Variants in ANKAR observed in about 807,000 individuals in gnomAD.
The protein encoded by ANKAR is ankyrin and armadillo repeat-containing protein.
ANKAR carries 136 observed loss-of-function variants against 146.2 expected under a neutral mutation model. That is an observed-to-expected ratio of 0.93 (90% CI 0.81 to 1.07). ANKAR has a LOEUF of 1.07. ANKAR is among the 50% of genes least tolerant of loss of function. ANKAR has a pLI of 0.00. For synonymous variants in ANKAR, 500 were observed against 575.8 expected (o/e 0.87, Z 1.88); for missense variants, 1,567 against 1,679.9 (o/e 0.93, Z 1.18).
chr2:189,713,361 C>T (rs898185535), intron 10 of ANKAR, among the ~76,000 whole-genome samples: 100 of 152,214 alleles, frequency 6.6e-4, no homozygotes, highest in African/African-American at 2.4e-3. Flanking sequence ...TTAAGGGCAG[C>T]CAGAGAGAAA....
intron 2 of ANKAR, among the ~76,000 whole-genome samples, chr2:189,688,387 T>G (rs1211505064): frequency 6.6e-6 from 1 of 152,234 alleles, no homozygotes; most frequent in Non-Finnish European, 1.5e-5. Context: ...TGAAGTCAGG[T>G]AATGTAATTC....
chr2:189,752,880 G>C (rs1189085110), intron 18 of ANKAR: 1 of 1,613,896 alleles, frequency 6.2e-7, no homozygotes, highest in Admixed American at 1.7e-5. Context: ...TCAGTGCATA[G>C]TCTGGGAGGA....
At chr2:189,707,382 A>G (rs139509073) in intron 9 of ANKAR, among the ~76,000 whole-genome samples, 291 of 144,678 alleles carry the variant, frequency 2.0e-3, no homozygotes, top group Non-Finnish European at 3.1e-3. Context: ...GACCCAGACT[A>G]TATTTTACAC....
At chr2:189,675,144 G>T (rs2033327400) in intron 1 of ANKAR, among the ~76,000 whole-genome samples, 1 of 152,078 alleles carries the variant, frequency 6.6e-6, no homozygotes, top group Non-Finnish European at 1.5e-5. Context: ...AAACTCAGTG[G>T]TGGGATTCAG....
At chr2:189,695,382 G>T (rs1013000636) in intron 6 of ANKAR, among the ~76,000 whole-genome samples, 9 of 152,106 alleles carry the variant, frequency 5.9e-5, no homozygotes, top group Non-Finnish European at 8.8e-5. Context: ...CTCAATAACG[G>T]CTTATACGTA....
At chr2:189,743,945 A>G (rs1156549175) in intron 21 of ANKAR, among the ~76,000 whole-genome samples, 1 of 152,208 alleles carries the variant, frequency 6.6e-6, no homozygotes, top group Non-Finnish European at 1.5e-5. Flanking sequence ...CCAGGTATTC[A>G]GAGGATTTTG....
At chr2:189,712,374 T>A (rs1159097192) in intron 10 of ANKAR, among the ~76,000 whole-genome samples, 2 of 152,024 alleles carry the variant, frequency 1.3e-5, no homozygotes, top group Non-Finnish European at 2.9e-5. Flanking sequence ...TACAGGCGGG[T>A]GCCCCTCTGG....
At position 189,719,561 on chromosome 2, in the gene ANKAR, T is replaced by A; in HGVS notation, c.2225-11T>A. ...TCATGCTTTTTAATTTTTTTGCTCT[T>A]GTCATTACAGGCACCATTCCTGCCT... On this transcript the variant is annotated splice_polypyrimidine_tract_variant and intron_variant, in intron 10 of 22. Coordinates refer to ENST00000684021, the MANE Select transcript of ANKAR (RefSeq NM_001378068.1). The A allele has an allele frequency of 6.3e-7, 1 of 1,577,100 alleles. No individual in the cohort carries two copies. Among genetic ancestry groups the A allele is most frequent in the East Asian group, 2.3e-5 (1 of 44,272 alleles).
downstream of ANKAR, among the ~76,000 whole-genome samples, chr2:189,750,959 T>C (rs1363770126): frequency 6.6e-6 from 1 of 152,228 alleles, no homozygotes; most frequent in Non-Finnish European, 1.5e-5. Flanking sequence ...AAATATCTTA[T>C]AATTCTCTAC....
At chr2:189,739,650 G>A (rs1320575340) in intron 19 of ANKAR, among the ~76,000 whole-genome samples, 2 of 150,080 alleles carry the variant, frequency 1.3e-5, no homozygotes. Context: ...TGTAACCTCC[G>A]CCTCCCAGGT....
chr2:189,746,695 A>C, downstream of ANKAR: 1 of 1,404,260 alleles, frequency 7.1e-7, no homozygotes, highest in Non-Finnish European at 9.5e-7. Context: ...TAATAATGGT[A>C]ATATGCAAAT....
At chr2:189,719,548 A>G in intron 10 of ANKAR, 24 bp from the exon 11 acceptor site, 2 of 1,551,242 alleles carry the variant, frequency 1.3e-6, no homozygotes, top group Non-Finnish European at 1.8e-6. Flanking sequence ...ATGCTTTTTA[A>G]TTTTTTTGCT....
At chr2:189,714,664 T>A (rs2040171345) in intron 10 of ANKAR, among the ~76,000 whole-genome samples, 1 of 151,954 alleles carries the variant, frequency 6.6e-6, no homozygotes, top group Non-Finnish European at 1.5e-5. Context: ...AAGCAGGAAT[T>A]GGCCAGGCAT....
intron 18 of ANKAR, among the ~76,000 whole-genome samples, chr2:189,760,512 G>A (rs960781403): frequency 6.6e-6 from 1 of 152,174 alleles, no homozygotes; most frequent in Non-Finnish European, 1.5e-5. Context: ...TGGATTTCCA[G>A]CCCGGCGCGG....
intron 10 of ANKAR, among the ~76,000 whole-genome samples, chr2:189,716,966 A>G (rs1416532291): frequency 2.6e-5 from 4 of 152,350 alleles, no homozygotes; most frequent in Admixed American, 6.5e-5. Flanking sequence ...CTTAAATGTT[A>G]GACCTGAAAC....
At chr2:189,711,380 G>C (rs564663162) in intron 10 of ANKAR, among the ~76,000 whole-genome samples, 60 of 152,124 alleles carry the variant, frequency 3.9e-4, no homozygotes, top group African/African-American at 1.4e-3. Flanking sequence ...CTAAAAGCTC[G>C]AAAAATTAAA....
At chr2:189,692,076 A>T (rs1030254338) in intron 3 of ANKAR, among the ~76,000 whole-genome samples, 179 bp from the exon 4 acceptor site, 3 of 152,192 alleles carry the variant, frequency 2.0e-5, no homozygotes, top group Admixed American at 6.5e-5. Flanking sequence ...ATATATTTTA[A>T]TGTTAAACTA....
chr2:189,692,221 CTT>C, intron 3 of ANKAR, 32 bp from the exon 4 acceptor site: 1 of 1,563,954 alleles, frequency 6.4e-7, no homozygotes, highest in South Asian at 1.2e-5. Context: ...GTGCTGTTCA[CTT>C]TTTAAATAAA....
chr2:189,684,618 G>C (rs1031429437), intron 2 of ANKAR, among the ~76,000 whole-genome samples: 3 of 152,002 alleles, frequency 2.0e-5, no homozygotes, highest in African/African-American at 7.2e-5. Flanking sequence ...ACTTGAGGAG[G>C]CCGAGGTAGG....
Sources: allele counts gnomAD v4.1 joint callset (sites outside exome capture counted in the v4.1 genomes callset), GRCh38; gene constraint gnomAD v4.1.1; transcripts MANE v1.5; gene names NCBI Gene and HGNC (gene_info 2026-07-23, HGNC 2026-07-21).